Variants in AHI1 observed in about 807,000 individuals in gnomAD.
The protein encoded by AHI1 is Abelson helper integration site 1.
A neutral mutation model predicts 149.3 loss-of-function variants in AHI1; 123 were observed. The observed-to-expected ratio is 0.82, with a 90% CI of 0.71 to 0.96. The LOEUF is 0.96. AHI1 is among the 40% of genes least tolerant of loss of function. AHI1 has a pLI of 0.00. For synonymous variants in AHI1, 475 were observed against 459.8 expected, an observed-to-expected ratio of 1.03 and a Z score of -0.42; for missense variants, 1,439 against 1,422.7, an observed-to-expected ratio of 1.01 and a Z score of -0.18.
chr6:135,470,342 T>C (rs998263719), intron 5 of AHI1, among the ~76,000 whole-genome samples: 7 of 151,984 alleles, frequency 4.6e-5, no homozygotes, highest in African/African-American at 9.7e-5. Context: ...TATGGAGAAA[T>C]AGGAAAGCTT....
chr6:135,431,065 A>G (rs1324492939), intron 17 of AHI1, 143 bp downstream of exon 17: 3 of 572,396 alleles, frequency 5.2e-6, no homozygotes, highest in Non-Finnish European at 9.1e-6. Context: ...AGGGTGTGCT[A>G]ATTAATTATT....
intron 24 of AHI1, among the ~76,000 whole-genome samples, chr6:135,357,300 C>T (rs1307689942): frequency 2.0e-5 from 3 of 152,170 alleles, no homozygotes; most frequent in African/African-American, 7.2e-5. Context: ...AATATGAAAT[C>T]CTCCAAAATC....
At chr6:135,487,521 T>C (rs536259791) in intron 5 of AHI1, among the ~76,000 whole-genome samples, 2 of 152,306 alleles carry the variant, frequency 1.3e-5, no homozygotes, top group African/African-American at 4.8e-5. Flanking sequence ...TTTTGGATCA[T>C]AAATTTCCCA....
intron 20 of AHI1, among the ~76,000 whole-genome samples, chr6:135,425,791 C>T: frequency 6.6e-6 from 1 of 151,852 alleles, no homozygotes; most frequent in East Asian, 1.9e-4. Context: ...TGCCTAAAAA[C>T]CAAACTGGCA....
chr6:135,341,414 T>C (rs188884975), intron 24 of AHI1, among the ~76,000 whole-genome samples: 1 of 152,050 alleles, frequency 6.6e-6, no homozygotes, highest in Non-Finnish European at 1.5e-5. Flanking sequence ...TTAAAAAGTA[T>C]AAACATATAA....
At position 135,285,513 on chromosome 6, in the gene AHI1, T is replaced by TAAGAAC. The variant is rs1221331125; in HGVS notation, c.*126_*131dup. The TAAGAAC allele has an allele frequency of 2.1e-6, 2 of 959,536 alleles. No homozygotes were observed. Among genetic ancestry groups the TAAGAAC allele is most frequent in the Non-Finnish European group, 1.6e-6 (1 of 623,592 alleles). 59.4% of individuals were successfully genotyped at this position (959,536 alleles called of 1,614,324 possible). On this transcript the variant is annotated 3_prime_UTR_variant, in exon 29 of 29. Coordinates refer to ENST00000265602, the MANE Select transcript of AHI1 (RefSeq NM_001134831.2). ...ATTCTGATTTTTCTAGAGTCATTCA[T>TAAGAAC]AAGAACAAGAAGTAGTGGATCCTTT...
rs115584902 is a variant in AHI1, at chr6:135,370,520, G to A, written c.3110-12333C>T. 9.4e-3 allele frequency among the ~76,000 whole-genome samples: 1,429 copies of A among 152,304 alleles called. 18 individuals are homozygous for A. The highest frequency in any genetic ancestry group is 0.032 in the African/African-American group (1,335 of 41,556). Reference sequence around the variant, plus strand: ...CAGCTAATCTCTCCTTGCCTCAGCAGTAGCTCTGATTATAGAAGGCTTGCT... The same window carrying A: ...CAGCTAATCTCTCCTTGCCTCAGCAATAGCTCTGATTATAGAAGGCTTGCT... On this transcript the variant is annotated intron_variant, in intron 23 of 28. Transcript: ENST00000265602.
At chr6:135,471,689 T>A (rs528983560) in intron 5 of AHI1, among the ~76,000 whole-genome samples, 1 of 152,230 alleles carries the variant, frequency 6.6e-6, no homozygotes, top group South Asian at 2.1e-4. Context: ...CTTTGGTTTA[T>A]CTGCTATTAA....
chr6:135,482,276 G>A (rs1173057836), intron 5 of AHI1, among the ~76,000 whole-genome samples: 2 of 152,056 alleles, frequency 1.3e-5, no homozygotes, highest in South Asian at 2.1e-4. Flanking sequence ...GTGGTATGCT[G>A]TTAAACTCTC....
At chr6:135,407,854 T>C (rs1781016926) in intron 21 of AHI1, among the ~76,000 whole-genome samples, 1 of 148,736 alleles carries the variant, frequency 6.7e-6, no homozygotes, top group Non-Finnish European at 1.5e-5. Context: ...CTACTAAAAA[T>C]ACAAAAAGCC....
chr6:135,353,418 A>C (rs957836904), intron 24 of AHI1, among the ~76,000 whole-genome samples: 1 of 152,150 alleles, frequency 6.6e-6, no homozygotes, highest in Non-Finnish European at 1.5e-5. Context: ...GGAAAATGCA[A>C]TAGATTGTAG....
Position 135,457,511 on chromosome 6 carries a change from A to G in AHI1, c.1134T>C (p.Tyr378=). 6.2e-7 allele frequency: 1 copy of G among 1,613,196 alleles called. No individual in the cohort carries two copies. The highest frequency in any genetic ancestry group is 1.6e-4 in the Middle Eastern group (1 of 6,062). ...AAAATTACCTATCATCTTTCTTGAC[A>G]TATTGACCAGTATGCTCATCAACCA... ...IHVVDEHTGQ[Y]VKKDDSGRPV... is the part of the protein sequence containing the mutation. The change falls in exon 9 of 29, where the codon TAT becomes TAC. Residue 378 remains tyrosine, a synonymous_variant. Coordinates refer to ENST00000265602, the MANE Select transcript of AHI1 (RefSeq NM_001134831.2).
intron 17 of AHI1, 113 bp downstream of exon 17, chr6:135,431,095 T>C (rs1784588392): frequency 1.5e-6 from 1 of 666,042 alleles, no homozygotes; most frequent in Admixed American, 3.1e-5. Context: ...GAAAAACTGT[T>C]AATTTTTTGA....
intron 5 of AHI1, among the ~76,000 whole-genome samples, chr6:135,472,038 A>C (rs1452024611): frequency 3.3e-5 from 5 of 149,580 alleles, no homozygotes; most frequent in Non-Finnish European, 7.4e-5. Context: ...AAAAAAAAAA[A>C]AAAAAAAAAA....
At chr6:135,409,376 T>C (rs1231450033) in intron 21 of AHI1, among the ~76,000 whole-genome samples, 1 of 152,174 alleles carries the variant, frequency 6.6e-6, no homozygotes, top group Non-Finnish European at 1.5e-5. Context: ...TTTCATTCAT[T>C]TGAGAAATAA....
intron 3 of AHI1, 45 bp from the exon 4 acceptor site, chr6:135,492,336 T>C (rs1795362941): frequency 6.8e-7 from 1 of 1,466,516 alleles, no homozygotes; most frequent in African/African-American, 1.4e-5. Context: ...AACTTCCAAA[T>C]AAAAATTATA....
chr6:135,364,234 C>T (rs1330411005), intron 23 of AHI1, among the ~76,000 whole-genome samples: 21 of 151,290 alleles, frequency 1.4e-4, no homozygotes, highest in Non-Finnish European at 2.5e-4. Context: ...CGGGCAGAGA[C>T]GCTCCTCACA....
At chr6:135,485,851 G>C (rs563779133) in intron 5 of AHI1, among the ~76,000 whole-genome samples, 41 of 152,226 alleles carry the variant, frequency 2.7e-4, no homozygotes, top group African/African-American at 9.1e-4. Context: ...TGGCATAACA[G>C]GGAGCCTGTT....
chr6:135,412,660 T>G (rs1056119588), intron 20 of AHI1, among the ~76,000 whole-genome samples: 7 of 152,124 alleles, frequency 4.6e-5, no homozygotes, highest in African/African-American at 1.7e-4. Context: ...ACACATGAAC[T>G]TGAAAAATAT....
Sources: gnomAD v4.1 joint callset for allele counts (sites outside exome capture counted in the v4.1 genomes callset) on GRCh38, gnomAD v4.1.1 for gene constraint, MANE v1.5 for transcripts, NCBI Gene and HGNC (gene_info 2026-07-23, HGNC 2026-07-21) for gene names.